Variants in MRPL54 observed in about 807,000 individuals in gnomAD.
MRPL54 encodes large ribosomal subunit protein mL54.
A neutral mutation model predicts 15.6 loss-of-function variants in MRPL54; 12 were observed. The ratio of observed to expected loss-of-function variants is 0.77; its 90% CI spans 0.49 to 1.24. The LOEUF (loss-of-function observed/expected upper bound fraction) is 1.24, where lower values mean the gene tolerates loss of function less well. MRPL54 is among the 50% of genes most tolerant of loss of function. MRPL54 has a pLI of 0.00. For missense variants in MRPL54, 178 were observed against 186.8 expected (o/e 0.95, Z 0.28); for synonymous variants, 91 against 75.7 (o/e 1.20, Z -1.05).
At chr19:3,765,885 G>T (rs1295828003) in intron 2 of MRPL54, among the ~76,000 whole-genome samples, 3 of 142,992 alleles carry the variant, frequency 2.1e-5, no homozygotes, top group African/African-American at 7.9e-5. Context: ...GCAACAGAGT[G>T]AGACTTGGTC....
chr19:3,767,360 C>G lies in MRPL54; in HGVS notation c.384C>G (p.Arg128=). Residue 128 remains arginine (R), a synonymous_variant, in exon 3 of 3, where the codon CGC becomes CGG. Coordinates refer to ENST00000330133, the MANE Select transcript of MRPL54 (RefSeq NM_172251.3). The part of the protein sequence containing the change: ...WRRLRKQNIW[R]HNRLSKNKRL Reference sequence around the variant, plus strand: ...GGCTGCGGAAACAGAACATCTGGCGCCACAACCGGCTGAGCAAGAACAAGA... The same window carrying G: ...GGCTGCGGAAACAGAACATCTGGCGGCACAACCGGCTGAGCAAGAACAAGA... 1 of 1,610,508 alleles carries G rather than the reference C, an allele frequency of 6.2e-7. No homozygotes were observed. The highest frequency in any genetic ancestry group is 8.5e-7 in the Non-Finnish European group (1 of 1,178,658).
Sources: allele counts gnomAD v4.1 joint callset (sites outside exome capture counted in the v4.1 genomes callset), GRCh38; gene constraint gnomAD v4.1.1; transcripts MANE v1.5; gene names NCBI Gene and HGNC (gene_info 2026-07-23, HGNC 2026-07-21).